The following OR2V1 variants were observed in gnomAD, a reference collection of about 807,000 sequenced individuals.
OR2V1 encodes olfactory receptor 2V1.
Under a neutral mutation model 15.0 loss-of-function variants are expected in OR2V1, and 18 were observed. The ratio of observed to expected loss-of-function variants is 1.20; its 90% CI spans 0.83 to 1.78. The LOEUF (loss-of-function observed/expected upper bound fraction) is 1.78, where lower values mean the gene tolerates loss of function less well. Ranked by LOEUF, OR2V1 falls within the 40% of genes most tolerant of loss-of-function variation. The probability of loss-of-function intolerance (pLI) is 0.00; values close to 1 mark genes in which losing one functional copy is unlikely to be tolerated. For synonymous variants in OR2V1, 144 were observed against 146.1 expected (o/e 0.99, Z 0.10); for missense variants, 359 against 392.9 (o/e 0.91, Z 0.73).
Position 181,124,278 on chromosome 5 carries a change from A to T in OR2V1, c.*79T>A, listed in dbSNP as rs112455562. The stretch of plus-strand genomic sequence containing the variant: ...AATGACCATCAACAGGTGAATGGAA[A>T]CAGACACTCACAAAGGTTGAGTGAC... On this transcript the variant is annotated 3_prime_UTR_variant, in exon 4 of 4. Transcript: ENST00000641551. The T allele has an allele frequency of 5.6e-4, 737 of 1,318,184 alleles. 3 individuals carry two copies. In the African/African-American group the frequency reaches 9.2e-3, roughly 16 times the overall value. 81.7% of individuals were successfully genotyped at this position (1,318,184 alleles called of 1,614,324 possible). A position where few individuals can be genotyped will look rare whatever the true frequency, so the allele number is the denominator to read the frequency against.
At chr5:181,128,530 C>T in intron 3 of OR2V1, among the ~76,000 whole-genome samples, 1 of 152,224 alleles carries the variant, frequency 6.6e-6, no homozygotes, top group East Asian at 1.9e-4. Flanking sequence ...TCCCGGGATT[C>T]CCTCCATGCC....
intron 2 of OR2V1, 72 bp from the exon 3 acceptor site, chr5:181,129,647 C>T (rs556611806): frequency 2.0e-5 from 3 of 152,512 alleles, no homozygotes; most frequent in African/African-American, 4.8e-5. Context: ...GGCTTATCTT[C>T]CTGCTCTCTA....
Position 181,125,130 on chromosome 5 carries a change from G to C in OR2V1, c.175C>G (p.Pro59Ala). Reference sequence around the variant, plus strand: ...AGCTGGCTGAGGAAGAAGTACATGGGGGTGTGAAGTCCAGCGTCCAGGTAG... The same window carrying C: ...AGCTGGCTGAGGAAGAAGTACATGGCGGTGTGAAGTCCAGCGTCCAGGTAG... ...LIYLDAGLHTPMYFFLSQLSL... is the reference protein window; with the variant it reads ...LIYLDAGLHTAMYFFLSQLSL... Residue 59 changes from proline (P) to alanine (A), a missense_variant, in exon 4 of 4, where the codon CCC (proline) becomes GCC (alanine). Pro to Ala is a conservative substitution (Grantham distance 27). Transcript: ENST00000641551. The C allele has an allele frequency of 1.9e-6, 3 of 1,614,186 alleles. No homozygotes were observed. Among genetic ancestry groups the C allele is most frequent in the Non-Finnish European group, 2.5e-6 (3 of 1,180,038 alleles).
At position 181,130,207 on chromosome 5, in the gene OR2V1, C is replaced by A; in HGVS notation, c.-112G>T. On this transcript the variant is annotated 5_prime_UTR_variant, in exon 2 of 4. Coordinates refer to ENST00000641551, the MANE Select transcript of OR2V1 (RefSeq NM_001258283.2). ...GGTCCCTGCAGGGGAACAAACTCAG[C>A]AGAGTCACCTGTGGAGGAGTTCCTA... The A allele has an allele frequency of 2.5e-6, 1 of 398,820 alleles. No individual in the cohort carries two copies. The highest frequency in any genetic ancestry group is 3.6e-5 in the East Asian group (1 of 28,080). The allele number at this position is 398,820 out of a possible 1,614,324, so 24.7% of individuals were successfully genotyped here. A position where few individuals can be genotyped will look rare whatever the true frequency, so the allele number is the denominator to read the frequency against.
At chr5:181,126,210 C>T (rs1226179804) in intron 3 of OR2V1, among the ~76,000 whole-genome samples, 1 of 152,150 alleles carries the variant, frequency 6.6e-6, no homozygotes, top group African/African-American at 2.4e-5. Context: ...CAGCCACCCT[C>T]CTTTTTCTGA....
In OR2V1 at chr5:181,123,249, C is replaced by A. The variant is rs2113324058; in HGVS notation, c.*1108G>T. 1 of 152,328 alleles carries A rather than the reference C, an allele frequency of 6.6e-6. No homozygotes were observed. Among genetic ancestry groups the A allele is most frequent in the East Asian group, 1.9e-4 (1 of 5,190 alleles). 9.4% of individuals were successfully genotyped at this position (152,328 alleles called of 1,614,324 possible). On this transcript the variant is annotated 3_prime_UTR_variant, in exon 4 of 4. Transcript: ENST00000641551. Reference sequence around the variant, plus strand: ...CTGGTAATACACTGTGAACCCCCAACCTTTGAGACAGATATCAGTTAATTT... The same window carrying A: ...CTGGTAATACACTGTGAACCCCCAAACTTTGAGACAGATATCAGTTAATTT...
intron 1 of OR2V1, among the ~76,000 whole-genome samples, chr5:181,130,769 C>T (rs753387086): frequency 7.9e-5 from 12 of 152,188 alleles, no homozygotes; most frequent in African/African-American, 1.7e-4. Context: ...GGAGGAGGAA[C>T]GCAGGGCAGA....
chr5:181,129,763 G>A (rs961535041), intron 2 of OR2V1, among the ~76,000 whole-genome samples, 188 bp from the exon 3 acceptor site: 50 of 152,136 alleles, frequency 3.3e-4, no homozygotes, highest in African/African-American at 9.2e-4. Flanking sequence ...TCCCCGGCAC[G>A]GGAGGACCCC....
In OR2V1 at chr5:181,125,270, C is replaced by A; in HGVS notation, c.35G>T (p.Gly12Val). 1 of 1,613,670 alleles carries A rather than the reference C, an allele frequency of 6.2e-7. No homozygotes were observed. The highest frequency in any genetic ancestry group is 8.5e-7 in the Non-Finnish European group (1 of 1,180,028). ...GRWVNQSYTDGFFLLGIFSHS... is the reference protein window; with the variant it reads ...GRWVNQSYTDVFFLLGIFSHS... ...GGAAAAGATGCCCAAGAGGAAGAAG[C>A]CATCTGTGTAGGACTGGTTCACCCA... The change falls in exon 4 of 4, where the codon GGC becomes GTC. Residue 12 changes from glycine (G) to valine (V), a missense_variant. Transcript: ENST00000641551.
At chr5:181,130,007 G>A (rs192474216) in intron 2 of OR2V1, among the ~76,000 whole-genome samples, 166 bp downstream of exon 2, 2 of 152,316 alleles carry the variant, frequency 1.3e-5, no homozygotes, top group African/African-American at 2.4e-5. Flanking sequence ...ACCAGAAGAC[G>A]GATGCCCCTC....
intron 2 of OR2V1, among the ~76,000 whole-genome samples, chr5:181,129,816 C>CT (rs1327923593): frequency 2.0e-5 from 3 of 152,188 alleles, no homozygotes; most frequent in Non-Finnish European, 2.9e-5. Context: ...CACCTTCGCA[C>CT]TCCCCACACA....
intron 3 of OR2V1, among the ~76,000 whole-genome samples, chr5:181,126,587 T>A: frequency 6.7e-6 from 1 of 150,212 alleles, no homozygotes; most frequent in East Asian, 2.0e-4. Context: ...CAGAAACACA[T>A]AGATACACGG....
chr5:181,129,128 T>C (rs1293539206), intron 3 of OR2V1, among the ~76,000 whole-genome samples: 2 of 152,136 alleles, frequency 1.3e-5, no homozygotes, highest in African/African-American at 4.8e-5. Context: ...GCTACTCAGG[T>C]GGCTGAGGTG....
chr5:181,126,409 T>C (rs1762870767), intron 3 of OR2V1, among the ~76,000 whole-genome samples: 1 of 143,388 alleles, frequency 7.0e-6, no homozygotes, highest in Admixed American at 7.5e-5. Flanking sequence ...AGCAAAGCCC[T>C]ACATCACACA....
rs1762825261 is a variant in OR2V1, at chr5:181,123,208, G to A, written c.*1149C>T. ...TTTATTGAGCAACTGCTACTTATAA[G>A]GCACAGGGTCTGGTACTGGTAATAC... On this transcript the variant is annotated 3_prime_UTR_variant, in exon 4 of 4. Coordinates refer to ENST00000641551, the MANE Select transcript of OR2V1 (RefSeq NM_001258283.2). The A allele has an allele frequency of 6.6e-6, 1 of 152,122 alleles. No homozygotes were observed. Among genetic ancestry groups the A allele is most frequent in the African/African-American group, 2.4e-5 (1 of 41,408 alleles). 9.4% of individuals were successfully genotyped at this position (152,122 alleles called of 1,614,324 possible).
intron 3 of OR2V1, among the ~76,000 whole-genome samples, chr5:181,127,548 G>A (rs1762891989): frequency 6.6e-6 from 1 of 152,126 alleles, no homozygotes; most frequent in African/African-American, 2.4e-5. Context: ...CACGCTCTCT[G>A]TGCCAGGACC....
In OR2V1 at chr5:181,124,186, C is replaced by T; in HGVS notation, c.*171G>A. On this transcript the variant is annotated 3_prime_UTR_variant, in exon 4 of 4. Coordinates refer to ENST00000641551, the MANE Select transcript of OR2V1 (RefSeq NM_001258283.2). ...CGAGTGTCCTGATTATCTTTTTTTC[C>T]TTTTTTTTTGGTACAGAAATGTTCA... 1.9e-6 allele frequency: 1 copy of T among 527,504 alleles called. No individual in the cohort carries two copies. The highest frequency in any genetic ancestry group is 3.0e-6 in the Non-Finnish European group (1 of 331,412). The allele number at this position is 527,504 out of a possible 1,614,324, so 32.7% of individuals were successfully genotyped here.
intron 3 of OR2V1, among the ~76,000 whole-genome samples, chr5:181,126,815 T>TGGACACAC (rs199937195): frequency 0.029 from 4,368 of 151,990 alleles, 193 homozygotes; most frequent in African/African-American, 0.099. Flanking sequence ...CCCAGACACA[T>TGGACACAC]GGACACACGG....
In OR2V1 at chr5:181,124,704, A is replaced by G; in HGVS notation, c.601T>C (p.Phe201Leu). 1 of 1,612,448 alleles carries G rather than the reference A, an allele frequency of 6.2e-7. No homozygotes were observed. Among genetic ancestry groups the G allele is most frequent in the Non-Finnish European group, 8.5e-7 (1 of 1,180,000 alleles). ...ADTSLFDTLL[F>L]ACCVFMLLLP... is the part of the protein sequence containing the mutation. ...AGAAGCATGAAGACACAGCAAGCAA[A>G]GAGGAGGGTGTCAAAAAGGGAAGTG... Residue 201 changes from phenylalanine (F) to leucine (L), a missense_variant, in exon 4 of 4, where the codon TTT becomes CTT. By Grantham distance (22) the Phe-to-Leu change is conservative. Transcript: ENST00000641551.
Sources: allele counts gnomAD v4.1 joint callset (sites outside exome capture counted in the v4.1 genomes callset), GRCh38; gene constraint gnomAD v4.1.1; transcripts MANE v1.5; gene names NCBI Gene and HGNC (gene_info 2026-07-23, HGNC 2026-07-21).